ROCK1: variants seen among roughly 807,000 people sequenced by gnomAD.
The protein encoded by ROCK1 is rho-associated protein kinase 1.
ROCK1 carries 36 observed loss-of-function variants against 196.8 expected under a neutral mutation model. That is an observed-to-expected ratio of 0.18 (90% confidence interval 0.14 to 0.24). The LOEUF (loss-of-function observed/expected upper bound fraction) is 0.24. Among genes scored for constraint, ROCK1 ranks in the 10% least tolerant of loss-of-function variants. The pLI is 1.00. For synonymous variants in ROCK1, 443 were observed against 515.9 expected, an observed-to-expected ratio of 0.86 and a Z score of 1.91; for missense variants, 920 against 1,562.0, an observed-to-expected ratio of 0.59 and a Z score of 6.93.
At chr18:21,028,590 T>C (rs1479257990) in intron 10 of ROCK1, among the ~76,000 whole-genome samples, 186 bp downstream of exon 10, 1 of 152,154 alleles carries the variant, frequency 6.6e-6, no homozygotes, top group Admixed American at 6.5e-5. Flanking sequence ...TGAAAAACAA[T>C]GTCCTAAACA....
At chr18:21,064,731 A>T (rs1321332791) in intron 2 of ROCK1, among the ~76,000 whole-genome samples, 1 of 152,204 alleles carries the variant, frequency 6.6e-6, no homozygotes, top group Admixed American at 6.5e-5. Flanking sequence ...ATCCCTGGAT[A>T]TGTATTCATA....
chr18:20,959,497 T>C (rs2035305690), intron 29 of ROCK1, among the ~76,000 whole-genome samples: 1 of 151,062 alleles, frequency 6.6e-6, no homozygotes, highest in African/African-American at 2.4e-5. Context: ...CAGGTGTGAG[T>C]CACCGCACCC....
chr18:20,991,106 G>T, intron 18 of ROCK1, 70 bp downstream of exon 18: 2 of 1,340,344 alleles, frequency 1.5e-6, no homozygotes, highest in South Asian at 1.4e-5. Flanking sequence ...ACAAAATTTT[G>T]ACCAAAACCA....
chr18:21,023,339 T>C (rs1429111443), intron 11 of ROCK1, among the ~76,000 whole-genome samples: 1 of 152,144 alleles, frequency 6.6e-6, no homozygotes, highest in East Asian at 1.9e-4. Flanking sequence ...TAATGATACA[T>C]TGATATATCA....
chr18:21,048,957 G>T, intron 4 of ROCK1, 135 bp downstream of exon 4: 1 of 629,450 alleles, frequency 1.6e-6, no homozygotes, highest in Non-Finnish European at 2.4e-6. Context: ...TAAATTTTAA[G>T]ATTTAAAAGG....
At chr18:21,054,144 C>G (rs1453853490) in intron 2 of ROCK1, among the ~76,000 whole-genome samples, 2 of 152,138 alleles carry the variant, frequency 1.3e-5, no homozygotes, top group African/African-American at 4.8e-5. Context: ...ACACTGAAAT[C>G]TGAATTTCCT....
In ROCK1 at chr18:21,024,751, T is replaced by G. The variant is rs564677948; in HGVS notation, c.1212-1071A>C. 3.5e-4 allele frequency among the ~76,000 whole-genome samples: 53 copies of G among 152,340 alleles called. No individual in the cohort carries two copies. In the South Asian group the frequency reaches 0.011, roughly 31 times the overall value. Reference sequence around the variant, plus strand: ...AAAGAAACAGCTAGAAATATGCCACTTCCTAGGTTTTCCTTGAAAAATTAT... The same window carrying G: ...AAAGAAACAGCTAGAAATATGCCACGTCCTAGGTTTTCCTTGAAAAATTAT... On this transcript the variant is annotated intron_variant, in intron 10 of 32. Transcript: ENST00000399799.
chr18:20,995,912 C>T lies in ROCK1; in HGVS notation c.1886-2975G>A, dbSNP rs115254852. Among the ~76,000 whole-genome samples the T allele has an allele frequency of 9.3e-3, 1,418 of 152,188 alleles. 16 individuals carry two copies. Among genetic ancestry groups the T allele is most frequent in the African/African-American group, 0.033 (1,364 of 41,522 alleles). ...TTAAATCACAACACCTAAGTCCCTT[C>T]GAATACCTGGAAAGCCTTTCCAAAA... On this transcript the variant is annotated intron_variant, in intron 16 of 32. Coordinates refer to ENST00000399799, the MANE Select transcript of ROCK1 (RefSeq NM_005406.3).
rs1341656306 is a variant in ROCK1 at position 20,948,792 on chromosome 18, G to GT, written c.*2591dup. The GT allele has an allele frequency of 6.6e-6, 1 of 152,276 alleles. No homozygotes were observed. The highest frequency in any genetic ancestry group is 1.9e-4 in the East Asian group (1 of 5,196). The allele number at this position is 152,276 out of a possible 1,614,324, so 9.4% of individuals were successfully genotyped here. On this transcript the variant is annotated 3_prime_UTR_variant, in exon 33 of 33. Transcript: ENST00000399799. ...GTAGATGCACCTAGAGAAGGCAGAC[G>GT]TGAGATGCAGGCTGTGCTAAATGCC...
At chr18:21,031,998 C>A (rs2036012591) in intron 9 of ROCK1, among the ~76,000 whole-genome samples, 1 of 152,106 alleles carries the variant, frequency 6.6e-6, no homozygotes, top group African/African-American at 2.4e-5. Flanking sequence ...ATCAACCAGA[C>A]CAACATACAC....
intron 1 of ROCK1, 104 bp from the exon 2 acceptor site, chr18:21,070,717 C>T: frequency 1.5e-6 from 1 of 680,952 alleles, no homozygotes; most frequent in Non-Finnish European, 2.3e-6. Flanking sequence ...TTTCCCCTAA[C>T]ACATCTTGTG....
intron 2 of ROCK1, among the ~76,000 whole-genome samples, chr18:21,063,041 T>C (rs1339798393): frequency 6.6e-6 from 1 of 152,074 alleles, no homozygotes; most frequent in East Asian, 1.9e-4. Context: ...AATGGGTAAT[T>C]TATAAAAGAA....
intron 1 of ROCK1, among the ~76,000 whole-genome samples, chr18:21,090,096 T>G (rs950399896): frequency 6.6e-6 from 1 of 152,264 alleles, no homozygotes; most frequent in African/African-American, 2.4e-5. Flanking sequence ...CTACTTTGAA[T>G]GGATCTTTTA....
At chr18:21,046,013 C>T (rs182621054) in intron 4 of ROCK1, among the ~76,000 whole-genome samples, 161 of 151,038 alleles carry the variant, frequency 1.1e-3, no homozygotes, top group African/African-American at 3.7e-3. Flanking sequence ...CAGGTTCACG[C>T]CATTCTCCTA....
At chr18:20,974,043 T>G (rs2035455956) in intron 22 of ROCK1, among the ~76,000 whole-genome samples, 1 of 152,220 alleles carries the variant, frequency 6.6e-6, no homozygotes, top group Admixed American at 6.5e-5. Context: ...GTGCTGGGAT[T>G]ACAGGCGTGA....
chr18:20,985,523 A>G (rs2035570690), intron 19 of ROCK1, among the ~76,000 whole-genome samples: 1 of 152,152 alleles, frequency 6.6e-6, no homozygotes, highest in East Asian at 1.9e-4. Context: ...ACACCCCTAT[A>G]GCATTCCGTA....
chr18:20,986,965 T>G lies in ROCK1; in HGVS notation c.2289A>C (p.Glu763Asp). The G allele has an allele frequency of 6.3e-7, 1 of 1,594,724 alleles. No homozygotes were observed. The highest frequency in any genetic ancestry group is 8.5e-7 in the Non-Finnish European group (1 of 1,174,516). The part of the protein sequence containing the change: ...QKLEHLTGNK[E>D]RMEDEVKNLT... ...TTTTTCTTACTTCATCCTCCATCCTTTCTTTATTTCCAGTCAAATGTTCTA... is the reference window on the plus strand; with the variant it reads ...TTTTTCTTACTTCATCCTCCATCCTGTCTTTATTTCCAGTCAAATGTTCTA... The change falls in exon 19 of 33, where the codon GAA (glutamate) becomes GAC (aspartate). Residue 763 changes from glutamate (E) to aspartate (D), a missense_variant. Transcript: ENST00000399799.
At chr18:21,067,209 T>C (rs2036342280) in intron 2 of ROCK1, among the ~76,000 whole-genome samples, 1 of 152,160 alleles carries the variant, frequency 6.6e-6, no homozygotes, top group Non-Finnish European at 1.5e-5. Flanking sequence ...TTACTGGCCA[T>C]TTTTACATCT....
intron 22 of ROCK1, among the ~76,000 whole-genome samples, chr18:20,970,918 C>A (rs1430022805): frequency 6.6e-6 from 1 of 152,114 alleles, no homozygotes; most frequent in Non-Finnish European, 1.5e-5. Flanking sequence ...AGACACTGGG[C>A]AAGTCCCTTA....
Sources: allele counts gnomAD v4.1 joint callset (sites outside exome capture counted in the v4.1 genomes callset), GRCh38; gene constraint gnomAD v4.1.1; transcripts MANE v1.5; gene names NCBI Gene and HGNC (gene_info 2026-07-23, HGNC 2026-07-21).